PI4KB: variants seen among roughly 807,000 people sequenced by gnomAD.
PI4KB encodes PtdIns 4-kinase beta.
Under a neutral mutation model 81.4 loss-of-function variants are expected in PI4KB, and 23 were observed. The observed-to-expected ratio is 0.28, with a 90% CI of 0.20 to 0.40. The LOEUF is 0.40. Among genes scored for constraint, PI4KB ranks in the 10% least tolerant of loss-of-function variants. The pLI, the probability that PI4KB is intolerant of heterozygous loss-of-function variation, is 1.00. For missense variants in PI4KB, 651 were observed against 1,036.6 expected, an observed-to-expected ratio of 0.63 and a Z score of 5.11; for synonymous variants, 381 against 406.8, an observed-to-expected ratio of 0.94 and a Z score of 0.76.
intron 2 of PI4KB, 46 bp from the exon 3 acceptor site, chr1:151,310,301 G>A: frequency 8.8e-7 from 1 of 1,137,574 alleles, no homozygotes; most frequent in Non-Finnish European, 1.3e-6. Context: ...GGGTGGGAAG[G>A]GAGGGGAGAG....
intron 5 of PI4KB, 135 bp downstream of exon 5, chr1:151,306,001 C>A: frequency 1.6e-6 from 1 of 639,464 alleles, no homozygotes; most frequent in Non-Finnish European, 2.8e-6. Flanking sequence ...CCCCATATTA[C>A]CCCTCACTAC....
rs1695033326 is a variant in PI4KB at position 151,299,068 on chromosome 1, A to G, written c.1755T>C (p.Ile585=). The G allele has an allele frequency of 1.9e-6, 3 of 1,613,728 alleles. No homozygotes were observed. Among genetic ancestry groups the G allele is most frequent in the Non-Finnish European group, 2.5e-6 (3 of 1,179,746 alleles). ...AAAGGGGCACTCGCTCCTGTTCCCA[A>G]ATGGACTGTGAGGAGACATGGAGGA... ...AFQVLKQLQS[I]WEQERVPLWI... Residue 585 remains isoleucine, a synonymous_variant, in exon 9 of 12, where the codon ATT becomes ATC. Transcript: ENST00000368873.
At chr1:151,295,832 C>G (rs1694746322) in intron 9 of PI4KB, among the ~76,000 whole-genome samples, 2 of 152,220 alleles carry the variant, frequency 1.3e-5, no homozygotes, top group Non-Finnish European at 2.9e-5. Flanking sequence ...TGACTAGTGC[C>G]AGCTTCCCTG....
At chr1:151,293,440 T>G (rs1288519093) in intron 11 of PI4KB, 13 of 1,244,330 alleles carry the variant, frequency 1.0e-5, no homozygotes, top group Admixed American at 3.1e-5. Flanking sequence ...CAGATGGGGA[T>G]GATCCTGAGC....
chr1:151,305,282 C>G (rs1461974075), intron 5 of PI4KB, among the ~76,000 whole-genome samples: 3 of 152,154 alleles, frequency 2.0e-5, no homozygotes, highest in African/African-American at 7.2e-5. Context: ...GTTAATAGCT[C>G]TACACAAAAT....
rs889024150 is a variant in PI4KB, at chr1:151,292,068, C to CCGTT, written c.*780_*783dup. On this transcript the variant is annotated 3_prime_UTR_variant, in exon 12 of 12. Transcript: ENST00000368873. Reference sequence around the variant, plus strand: ...TTTTGTATCTTGGACACTGAGGCATCCGTTCATACCTCATCACCCATCTCC... The same window carrying CCGTT: ...TTTTGTATCTTGGACACTGAGGCATCCGTTCGTTCATACCTCATCACCCATCTCC... The CCGTT allele has an allele frequency of 4.6e-5, 7 of 152,178 alleles. No homozygotes were observed. Among genetic ancestry groups the CCGTT allele is most frequent in the African/African-American group, 1.7e-4 (7 of 41,418 alleles). The allele number at this position is 152,178 out of a possible 1,614,324, so 9.4% of individuals were successfully genotyped here. A position where few individuals can be genotyped will look rare whatever the true frequency, so the allele number is the denominator to read the frequency against.
chr1:151,307,823 C>A (rs368371478), intron 3 of PI4KB, 22 bp from the exon 4 acceptor site: 9 of 1,558,590 alleles, frequency 5.8e-6, no homozygotes, highest in African/African-American at 4.1e-5. Context: ...TGGGGTAAGA[C>A]AAAAGATGGT....
intron 4 of PI4KB, 123 bp from the exon 5 acceptor site, chr1:151,306,486 T>C (rs1027467518): frequency 9.1e-6 from 6 of 659,332 alleles, no homozygotes; most frequent in African/African-American, 7.2e-5. Context: ...CCAATAGTCC[T>C]CTGAAACTAT....
chr1:151,294,109 G>A lies in PI4KB; in HGVS notation c.2178C>T (p.Phe726=), dbSNP rs1557782689. 1 of 1,613,962 alleles carries A rather than the reference G, an allele frequency of 6.2e-7. No individual in the cohort carries two copies. Among genetic ancestry groups the A allele is most frequent in the Admixed American group, 1.7e-5 (1 of 59,996 alleles). ...DVMGGLDGDM[F]NYYKMLMLQG... ...GCAGCATCAGCATCTTATAGTAGTT[G>A]AACATGTCGCCATCCAGGCCGCCCA... Residue 726 remains phenylalanine (F), a synonymous_variant, in exon 11 of 12, where the codon TTC becomes TTT. Transcript: ENST00000368873.
intron 1 of PI4KB, among the ~76,000 whole-genome samples, chr1:151,321,835 T>C (rs1187891809): frequency 7.2e-6 from 1 of 139,066 alleles, no homozygotes; most frequent in Non-Finnish European, 1.5e-5. Flanking sequence ...ATCACACCAC[T>C]GCACTCCAGC....
intron 11 of PI4KB, 95 bp downstream of exon 11, chr1:151,293,923 C>A: frequency 7.1e-7 from 1 of 1,408,708 alleles, no homozygotes; most frequent in Non-Finnish European, 9.8e-7. Context: ...CCTCCCTCAA[C>A]CGAGTCTCGT....
chr1:151,320,325 G>A (rs1648664976), intron 1 of PI4KB, among the ~76,000 whole-genome samples: 1 of 152,154 alleles, frequency 6.6e-6, no homozygotes, highest in African/African-American at 2.4e-5. Context: ...GAGCTGCCGC[G>A]CCCGGCCCCA....
At chr1:151,324,925 G>A (rs985041804) in intron 1 of PI4KB, 38 of 983,204 alleles carry the variant, frequency 3.9e-5, no homozygotes, top group Non-Finnish European at 4.5e-5. Context: ...ACTCTAAGAA[G>A]AAAGCAGGGA....
chr1:151,293,275 C>T (rs1455611487), intron 11 of PI4KB: 1 of 1,403,718 alleles, frequency 7.1e-7, no homozygotes, highest in African/African-American at 1.4e-5. Flanking sequence ...GGACCAACAC[C>T]ACATCTCCCT....
chr1:151,323,324 G>C (rs1409218313), intron 1 of PI4KB, among the ~76,000 whole-genome samples: 1 of 152,148 alleles, frequency 6.6e-6, no homozygotes, highest in African/African-American at 2.4e-5. Flanking sequence ...GGCCAACATG[G>C]TGAAACCCCG....
rs1230458718 is a variant in PI4KB, at chr1:151,292,843, AGG to A, written c.*7_*8del. 5 of 1,613,320 alleles carry A rather than the reference AGG, an allele frequency of 3.1e-6. No homozygotes were observed. The highest frequency in any genetic ancestry group is 1.3e-5 in the African/African-American group (1 of 74,878). Reference sequence around the variant, plus strand: ...TGGACCCCCCACCACTCCTGGGCTGAGGAGCGTGTCACATGATGCCGTTGGTG... The same window carrying A: ...TGGACCCCCCACCACTCCTGGGCTGAAGCGTGTCACATGATGCCGTTGGTG... On this transcript the variant is annotated 3_prime_UTR_variant, in exon 12 of 12. Coordinates refer to ENST00000368873, the MANE Select transcript of PI4KB (RefSeq NM_001369623.2).
In PI4KB at chr1:151,303,625, C is replaced by T. The variant is rs769257764; in HGVS notation, c.1436G>A (p.Cys479Tyr). 1.2e-6 allele frequency: 2 copies of T among 1,613,744 alleles called. No individual in the cohort carries two copies. The highest frequency in any genetic ancestry group is 1.3e-5 in the African/African-American group (1 of 74,896). ...CACAGAGAACTGGGAGATGTTGTCA[C>T]AGCTGTTGGTATGCACTTCGGGGAG... Reference protein sequence around the residue: ...VELPEVHTNSCDNISQFSVDS... With the variant: ...VELPEVHTNSYDNISQFSVDS... The change falls in exon 6 of 12, where the codon TGT becomes TAT. Residue 479 changes from cysteine to tyrosine, a missense_variant. Cys to Tyr is a radical substitution (Grantham distance 194). Coordinates refer to ENST00000368873, the MANE Select transcript of PI4KB (RefSeq NM_001369623.2).
At chr1:151,317,574 G>A (rs1015500663) in intron 1 of PI4KB, among the ~76,000 whole-genome samples, 1 of 151,438 alleles carries the variant, frequency 6.6e-6, no homozygotes, top group Admixed American at 6.6e-5. Context: ...CCTCAGCCTC[G>A]TAAAGTGTTG....
Position 151,298,207 on chromosome 1 carries a change from C to G in PI4KB, c.2015+601G>C, listed in dbSNP as rs148000691. Among the ~76,000 whole-genome samples the G allele has an allele frequency of 4.3e-3, 660 of 152,290 alleles. 6 individuals carry two copies. The highest frequency in any genetic ancestry group is 0.014 in the Middle Eastern group (4 of 294). On this transcript the variant is annotated intron_variant, in intron 9 of 11. Coordinates refer to ENST00000368873, the MANE Select transcript of PI4KB (RefSeq NM_001369623.2). ...ATGGCTGAGAGTTTCCACTTCATCT[C>G]CATCATGTTTCTCCTTTCTGCTCTC...
Sources: allele counts gnomAD v4.1 joint callset (sites outside exome capture counted in the v4.1 genomes callset), GRCh38; gene constraint gnomAD v4.1.1; transcripts MANE v1.5; gene names NCBI Gene and HGNC (gene_info 2026-07-23, HGNC 2026-07-21).